PCNX2: variants seen among roughly 807,000 people sequenced by gnomAD.
The protein encoded by PCNX2 is pecanex 2, also known as pecanex-like protein 2.
PCNX2 carries 168 observed loss-of-function variants against 223.8 expected under a neutral mutation model. The ratio of observed to expected loss-of-function variants is 0.75; its 90% confidence interval spans 0.66 to 0.85. The LOEUF (loss-of-function observed/expected upper bound fraction) is 0.85. Ranked by LOEUF, PCNX2 falls within the 40% of genes least tolerant of loss-of-function variation. The pLI is 0.00. For synonymous variants in PCNX2, 1,006 were observed against 1,052.6 expected (o/e 0.96, Z 0.86); for missense variants, 2,507 against 2,675.5 (o/e 0.94, Z 1.39).
intron 25 of PCNX2, among the ~76,000 whole-genome samples, chr1:233,040,978 C>T (rs1242228168): frequency 6.6e-6 from 1 of 152,134 alleles, no homozygotes; most frequent in Non-Finnish European, 1.5e-5. Context: ...ATCTTTGCAC[C>T]CTTCCCAGAT....
intron 1 of PCNX2, chr1:233,290,813 A>T (rs1380738745): frequency 2.0e-6 from 2 of 985,372 alleles, no homozygotes; most frequent in Non-Finnish European, 2.4e-6. Flanking sequence ...GTTAAAGGAA[A>T]GGAAACAGAA....
At chr1:233,249,963 A>T (rs1251974775) in intron 8 of PCNX2, among the ~76,000 whole-genome samples, 1 of 152,244 alleles carries the variant, frequency 6.6e-6, no homozygotes, top group Admixed American at 6.5e-5. Context: ...GGAAAGACAC[A>T]TGGGGTCACA....
At chr1:233,256,044 T>C (rs1659717540) in intron 5 of PCNX2, among the ~76,000 whole-genome samples, 1 of 152,188 alleles carries the variant, frequency 6.6e-6, no homozygotes, top group African/African-American at 2.4e-5. Flanking sequence ...ATGTAATTTA[T>C]TCCAACTCCT....
In PCNX2 at chr1:233,130,465, TTGTG is replaced by T. The variant is rs55865610; in HGVS notation, c.3837+4544_3837+4547del. On this transcript the variant is annotated intron_variant, in intron 21 of 33. Coordinates refer to ENST00000258229, the MANE Select transcript of PCNX2 (RefSeq NM_014801.4). Reference sequence around the variant, plus strand: ...ACTCAATATTTCTGCCCCCCAACTTTTGTGTGTGTGTGTGTGTGTGTGTGTGTGT... The same window carrying T: ...ACTCAATATTTCTGCCCCCCAACTTTTGTGTGTGTGTGTGTGTGTGTGTGT... 5.6e-3 allele frequency among the ~76,000 whole-genome samples: 769 copies of T among 136,462 alleles called. 5 individuals carry two copies. Among genetic ancestry groups the T allele is most frequent in the African/African-American group, 0.013 (467 of 36,214 alleles). 89.5% of individuals were successfully genotyped at this position (136,462 alleles called of 152,430 possible). A position where few individuals can be genotyped will look rare whatever the true frequency, so the allele number is the denominator to read the frequency against.
chr1:233,100,763 G>A (rs770112953), intron 21 of PCNX2, among the ~76,000 whole-genome samples: 3 of 152,108 alleles, frequency 2.0e-5, no homozygotes, highest in Non-Finnish European at 4.4e-5. Context: ...CATTGTCTTA[G>A]GAAGCTATAC....
intron 1 of PCNX2, among the ~76,000 whole-genome samples, chr1:233,274,671 C>T (rs772918725): frequency 2.6e-5 from 4 of 152,150 alleles, no homozygotes; most frequent in Non-Finnish European, 4.4e-5. Flanking sequence ...AGAAGTCACA[C>T]ATTTGAAAAC....
At chr1:233,237,089 G>A in intron 8 of PCNX2, 109 bp from the exon 9 acceptor site, 1 of 1,378,114 alleles carries the variant, frequency 7.3e-7, no homozygotes. Flanking sequence ...GGTAGTGGAT[G>A]AGACTTTACA....
In PCNX2 at chr1:233,054,392, A is replaced by G. The variant is rs776816615; in HGVS notation, c.4227T>C (p.Arg1409=). Residue 1409 remains arginine (R), a synonymous_variant, in exon 25 of 34, where the codon CGT becomes CGC. Coordinates refer to ENST00000258229, the MANE Select transcript of PCNX2 (RefSeq NM_014801.4). ...AATCGCCAGAGCTGTAGTTGCCCCA[A>G]CGTCCAAGAACTAAGTCTCCACAGA... ...ESLCGDLVLG[R]WGNYSSGDCF... is the part of the protein sequence containing the mutation. 2.5e-5 allele frequency: 40 copies of G among 1,613,750 alleles called. No homozygotes were observed. The East Asian group carries it at 4.5e-4, about 18-fold the overall frequency.
At chr1:233,186,882 T>C (rs1645262769) in intron 15 of PCNX2, among the ~76,000 whole-genome samples, 3 of 151,904 alleles carry the variant, frequency 2.0e-5, no homozygotes, top group East Asian at 1.9e-4. Flanking sequence ...GATAAATACA[T>C]AGAAATGCAC....
intron 26 of PCNX2, among the ~76,000 whole-genome samples, chr1:233,017,797 C>T (rs563312303): frequency 6.6e-6 from 1 of 152,270 alleles, no homozygotes; most frequent in East Asian, 1.9e-4. Flanking sequence ...GAACGTAATG[C>T]TAACAGAATG....
intron 15 of PCNX2, among the ~76,000 whole-genome samples, chr1:233,188,682 C>T (rs1455275111): frequency 6.6e-6 from 1 of 152,008 alleles, no homozygotes; most frequent in Non-Finnish European, 1.5e-5. Flanking sequence ...GCCACCATGC[C>T]CAACTAATTT....
At position 232,990,700 on chromosome 1, in the gene PCNX2, C is replaced by T. The variant is rs1262509352; in HGVS notation, c.5792-4160G>A. Among the ~76,000 whole-genome samples, 3 of 152,278 alleles carry T rather than the reference C, an allele frequency of 2.0e-5. No individual in the cohort carries two copies. Among genetic ancestry groups the T allele is most frequent in the Admixed American group, 6.5e-5 (1 of 15,298 alleles). ...TTCCCTTGGTGGCCCCTGCAGCCGT[C>T]TCTGTCCCCACAGGGCCAGGAAGCT... On this transcript the variant is annotated intron_variant, in intron 32 of 33. Transcript: ENST00000258229. The surrounding 1 kb of genome is among the most constrained non-coding windows in gnomAD (Gnocchi z 4.3).
At chr1:233,282,362 C>T (rs73093225) in intron 1 of PCNX2, among the ~76,000 whole-genome samples, 1,766 of 152,204 alleles carry the variant, frequency 0.012, 34 homozygotes, top group African/African-American at 0.04. Flanking sequence ...AATCTGTATC[C>T]CTAGCTTAGA....
At chr1:233,135,276 G>A (rs754625517) in intron 20 of PCNX2, 86 bp from the exon 21 acceptor site, 41 of 1,372,876 alleles carry the variant, frequency 3.0e-5, no homozygotes, top group Non-Finnish European at 3.8e-5. Flanking sequence ...CTCCAGGATT[G>A]ATGGTTCATT....
In PCNX2 at chr1:233,130,465, TTGTGTGTGTGTG is replaced by T. The variant is rs55865610; in HGVS notation, c.3837+4536_3837+4547del. Among the ~76,000 whole-genome samples the T allele has an allele frequency of 5.8e-4, 79 of 136,472 alleles. No individual in the cohort carries two copies. In the South Asian group the frequency reaches 6.1e-3, roughly 11 times the overall value. 89.5% of individuals were successfully genotyped at this position (136,472 alleles called of 152,430 possible). A position where few individuals can be genotyped will look rare whatever the true frequency, so the allele number is the denominator to read the frequency against. On this transcript the variant is annotated intron_variant, in intron 21 of 33. Coordinates refer to ENST00000258229, the MANE Select transcript of PCNX2 (RefSeq NM_014801.4). ...ACTCAATATTTCTGCCCCCCAACTT[TTGTGTGTGTGTG>T]TGTGTGTGTGTGTGTGTGTGTGTGT...
At chr1:233,144,953 G>GTTTTTTTTTTTGTTTTTTTTTTTTT (rs1677342971) in intron 19 of PCNX2, among the ~76,000 whole-genome samples, 1 of 137,126 alleles carries the variant, frequency 7.3e-6, no homozygotes. Flanking sequence ...TTGTTGTTTT[G>GTTTTTTTTTTTGTTTTTTTTTTTTT]TTTTTTTTTT....
intron 3 of PCNX2, among the ~76,000 whole-genome samples, chr1:233,261,723 T>C (rs910463014): frequency 1.3e-5 from 2 of 152,210 alleles, no homozygotes; most frequent in Admixed American, 1.3e-4. Context: ...GCACTGCAGA[T>C]ATGATGACTT....
chr1:233,201,339 G>C (rs1681102499), intron 13 of PCNX2, among the ~76,000 whole-genome samples: 1 of 152,132 alleles, frequency 6.6e-6, no homozygotes, highest in African/African-American at 2.4e-5. Flanking sequence ...GCATCTGAAA[G>C]CAGTTTATTT....
intron 21 of PCNX2, among the ~76,000 whole-genome samples, chr1:233,130,661 T>C (rs1315274649): frequency 6.6e-6 from 1 of 152,046 alleles, no homozygotes; most frequent in Non-Finnish European, 1.5e-5. Flanking sequence ...ATTTTTGTAT[T>C]TTTAGTAGAG....
Sources: gnomAD v4.1 joint callset for allele counts (sites outside exome capture counted in the v4.1 genomes callset) on GRCh38, gnomAD v4.1.1 for gene constraint, Gnocchi (gnomAD v3.1) non-coding constraint, MANE v1.5 for transcripts, NCBI Gene and HGNC (gene_info 2026-07-23, HGNC 2026-07-21) for gene names.